GTPBP2: variants seen among roughly 807,000 people sequenced by gnomAD.
The protein encoded by GTPBP2 is GTP-binding protein 2.
Under a neutral mutation model 63.0 loss-of-function variants are expected in GTPBP2, and 32 were observed. The observed-to-expected ratio is 0.51, with a 90% CI of 0.38 to 0.68. The LOEUF (loss-of-function observed/expected upper bound fraction) is 0.68, where lower values mean the gene tolerates loss of function less well. Among genes scored for constraint, GTPBP2 ranks in the 30% least tolerant of loss-of-function variants. The pLI is 0.00. For missense variants in GTPBP2, 492 were observed against 796.9 expected, an observed-to-expected ratio of 0.62 and a Z score of 4.61; for synonymous variants, 310 against 322.6, an observed-to-expected ratio of 0.96 and a Z score of 0.42.
chr6:43,621,396 A>G lies in GTPBP2; in HGVS notation c.*218T>C. 2.0e-6 allele frequency: 3 copies of G among 1,525,524 alleles called. No individual in the cohort carries two copies. The highest frequency in any genetic ancestry group is 1.2e-5 in the South Asian group (1 of 82,974). The allele number at this position is 1,525,524 out of a possible 1,614,324, so 94.5% of individuals were successfully genotyped here. A position where few individuals can be genotyped will look rare whatever the true frequency, so the allele number is the denominator to read the frequency against. ...CAACCAGGTGAGCACACAGCTTCGG[A>G]GCACTGCCCTGAATCCTGTCTTCTC... On this transcript the variant is annotated 3_prime_UTR_variant, in exon 12 of 12. Transcript: ENST00000307126.
In GTPBP2 at chr6:43,624,650, T is replaced by C. The variant is rs1480915707; in HGVS notation, c.960A>G (p.Leu320=). 3 of 1,614,116 alleles carry C rather than the reference T, an allele frequency of 1.9e-6. No homozygotes were observed. The highest frequency in any genetic ancestry group is 1.1e-5 in the South Asian group (1 of 91,080). ...TCCTCTCCACTGTGGTCTTGGCACA[T>C]AGGTCGATCTTGCTGACCACGATGA... ...PFFIVVSKID[L]CAKTTVERTV... Residue 320 remains leucine, a synonymous_variant, in exon 7 of 12, where the codon CTA becomes CTG. Transcript: ENST00000307126. This position sits in a 1 kb window ranked among gnomAD's most constrained non-coding sequence, Gnocchi z 5.1.
chr6:43,623,518 G>A (rs1176653652), intron 9 of GTPBP2: 1 of 582,848 alleles, frequency 1.7e-6, no homozygotes, highest in Admixed American at 3.0e-5. Flanking sequence ...CTCTCTCAGG[G>A]GCCTGGAGAT....
At position 43,625,650 on chromosome 6, in the gene GTPBP2, A is replaced by C; in HGVS notation, c.508-90T>G. On this transcript the variant is annotated intron_variant, in intron 4 of 11. Transcript: ENST00000307126. The surrounding 1 kb of genome is among the most constrained non-coding windows in gnomAD (Gnocchi z 5.1). ...AGGGCAGTGACGCTCCCTAGGGAGC[A>C]AGTGATGAACTGGAAGCCCCCAGGA... 1 of 1,399,668 alleles carries C rather than the reference A, an allele frequency of 7.1e-7. No homozygotes were observed. The highest frequency in any genetic ancestry group is 1.0e-6 in the Non-Finnish European group (1 of 985,406). 86.7% of individuals were successfully genotyped at this position (1,399,668 alleles called of 1,614,324 possible).
Position 43,625,209 on chromosome 6 carries a change from T to A in GTPBP2, c.706-147A>T. ...TAATTTAGTTGATTCCCCATTGATT[T>A]CCTAAGAGGGGCAGAGCTTGTTCAC... On this transcript the variant is annotated intron_variant, in intron 5 of 11. Transcript: ENST00000307126. The surrounding 1 kb of genome is among the most constrained non-coding windows in gnomAD (Gnocchi z 5.1). 1 of 1,019,052 alleles carries A rather than the reference T, an allele frequency of 9.8e-7. No homozygotes were observed. The highest frequency in any genetic ancestry group is 1.5e-6 in the Non-Finnish European group (1 of 676,500). 63.1% of individuals were successfully genotyped at this position (1,019,052 alleles called of 1,614,324 possible). A position where few individuals can be genotyped will look rare whatever the true frequency, so the allele number is the denominator to read the frequency against.
chr6:43,629,759 G>A (rs1302528276), upstream of GTPBP2: 5 of 1,558,444 alleles, frequency 3.2e-6, no homozygotes, highest in South Asian at 3.5e-5. Context: ...TATGGCCCGC[G>A]TGCCGCTGGG....
At position 43,622,837 on chromosome 6, in the gene GTPBP2, G is replaced by A. The variant is rs185215360; in HGVS notation, c.1296-33C>T. 7.4e-4 allele frequency: 1,150 copies of A among 1,558,696 alleles called. 1 individual carries two copies. Among genetic ancestry groups the A allele is most frequent in the Middle Eastern group, 1.5e-3 (9 of 5,856 alleles). On this transcript the variant is annotated intron_variant, in intron 9 of 11. Coordinates refer to ENST00000307126, the MANE Select transcript of GTPBP2 (RefSeq NM_019096.5). This position sits in a 1 kb window ranked among gnomAD's most constrained non-coding sequence, Gnocchi z 5.4. Reference sequence around the variant, plus strand: ...CCAGAGGGCAGGTGGCACAGTGTCAGCCAAGGTCCCCATACCTACTTCTCT... The same window carrying A: ...CCAGAGGGCAGGTGGCACAGTGTCAACCAAGGTCCCCATACCTACTTCTCT...
chr6:43,625,169 A>G lies in GTPBP2; in HGVS notation c.706-107T>C. On this transcript the variant is annotated intron_variant, in intron 5 of 11. Coordinates refer to ENST00000307126, the MANE Select transcript of GTPBP2 (RefSeq NM_019096.5). This position sits in a 1 kb window ranked among gnomAD's most constrained non-coding sequence, Gnocchi z 5.1. ...TGGGTGACCCTGCCTCTTAATCTTG[A>G]CCCCATTTTTTATTTAATTTAGTTG... 1 of 1,156,978 alleles carries G rather than the reference A, an allele frequency of 8.6e-7. No individual in the cohort carries two copies. The highest frequency in any genetic ancestry group is 1.4e-5 in the South Asian group (1 of 69,558). The allele number at this position is 1,156,978 out of a possible 1,614,324, so 71.7% of individuals were successfully genotyped here.
In GTPBP2 at chr6:43,624,363, T is replaced by C; in HGVS notation, c.1100+147A>G. ...AGGAGGGTCAAGCCCTTTAGCAAGA[T>C]GCCCCTCCACAATCCCAAGCTGAAA... On this transcript the variant is annotated intron_variant, in intron 7 of 11. Transcript: ENST00000307126. The surrounding 1 kb of genome is among the most constrained non-coding windows in gnomAD (Gnocchi z 5.1). The C allele has an allele frequency of 6.0e-6, 4 of 669,690 alleles. No individual in the cohort carries two copies. Among genetic ancestry groups the C allele is most frequent in the Non-Finnish European group, 1.0e-5 (4 of 383,540 alleles). 41.5% of individuals were successfully genotyped at this position (669,690 alleles called of 1,614,324 possible).
intron 1 of GTPBP2, among the ~76,000 whole-genome samples, chr6:43,627,657 C>T (rs936108373): frequency 3.3e-5 from 5 of 152,180 alleles, no homozygotes; most frequent in African/African-American, 1.2e-4. Context: ...TAGCACAGCA[C>T]AGAAGCACCC....
rs1011759900 is a variant in GTPBP2, at chr6:43,621,279, C to G, written c.*335G>C. ...AAGTGCAGAGACCACACCAGCAAAA[C>G]ATGCCCAGTCTTAGTAGTGGGGACG... On this transcript the variant is annotated 3_prime_UTR_variant, in exon 12 of 12. Transcript: ENST00000307126. 3.5e-6 allele frequency: 2 copies of G among 565,592 alleles called. No homozygotes were observed. Among genetic ancestry groups the G allele is most frequent in the Non-Finnish European group, 6.2e-6 (2 of 324,672 alleles). The allele number at this position is 565,592 out of a possible 1,614,324, so 35.0% of individuals were successfully genotyped here.
intron 9 of GTPBP2, chr6:43,623,394 AAAAGAAAG>A (rs542320424): frequency 7.5e-6 from 2 of 267,738 alleles, no homozygotes; most frequent in East Asian, 1.8e-4. Flanking sequence ...TGTCTCAAAA[AAAAGAAAG>A]AAAGAAAGAA....
At position 43,626,830 on chromosome 6, in the gene GTPBP2, AAAAAAAAAAAGAAAG is replaced by A; in HGVS notation, c.213+77_213+91del. The stretch of plus-strand genomic sequence containing the variant: ...GCAACAAGAGCAAAACTTCATCTCA[AAAAAAAAAAAGAAAG>A]AAAGAAAAAAGAAATTATCCCACAC... On this transcript the variant is annotated intron_variant, in intron 2 of 11. Coordinates refer to ENST00000307126, the MANE Select transcript of GTPBP2 (RefSeq NM_019096.5). The surrounding 1 kb of genome is among the most constrained non-coding windows in gnomAD (Gnocchi z 4.0). 2 of 964,640 alleles carry A rather than the reference AAAAAAAAAAAGAAAG, an allele frequency of 2.1e-6. No individual in the cohort carries two copies. The highest frequency in any genetic ancestry group is 3.1e-6 in the Non-Finnish European group (2 of 652,424). 59.8% of individuals were successfully genotyped at this position (964,640 alleles called of 1,614,324 possible).
chr6:43,621,911 C>T (rs1768765246), intron 11 of GTPBP2, 92 bp downstream of exon 11: 1 of 1,599,576 alleles, frequency 6.3e-7, no homozygotes, highest in African/African-American at 1.3e-5. Flanking sequence ...GGGTTTTATT[C>T]CCATTGTGGG....
At chr6:43,627,055 C>T in intron 1 of GTPBP2, 107 bp from the exon 2 acceptor site, 1 of 1,029,918 alleles carries the variant, frequency 9.7e-7, no homozygotes, top group Non-Finnish European at 1.4e-6. Flanking sequence ...CAGGAAGCCC[C>T]ACTGGCACTT....
intron 9 of GTPBP2, chr6:43,623,423 T>G (rs1768984420): frequency 2.6e-6 from 1 of 383,918 alleles, no homozygotes; most frequent in South Asian, 3.9e-5. Flanking sequence ...AGAAGAGTCT[T>G]AAGTGACGTC....
chr6:43,625,952 C>T lies in GTPBP2; in HGVS notation c.399-88G>A. On this transcript the variant is annotated intron_variant, in intron 3 of 11. Transcript: ENST00000307126. The surrounding 1 kb of genome is among the most constrained non-coding windows in gnomAD (Gnocchi z 5.1). The stretch of plus-strand genomic sequence containing the variant: ...TGGACCTACAGACTTCCTGCACCTC[C>T]CACAGAGCTCCCAATACCTTAGTGC... The T allele has an allele frequency of 1.0e-6, 1 of 990,090 alleles. No individual in the cohort carries two copies. Among genetic ancestry groups the T allele is most frequent in the Non-Finnish European group, 1.6e-6 (1 of 619,254 alleles). The allele number at this position is 990,090 out of a possible 1,614,324, so 61.3% of individuals were successfully genotyped here.
At chr6:43,623,377 G>A (rs186256838) in intron 9 of GTPBP2, 8 of 245,924 alleles carry the variant, frequency 3.3e-5, no homozygotes, top group Non-Finnish European at 6.3e-5. Flanking sequence ...GCAACAGAGC[G>A]AGACTCTGTC....
chr6:43,621,888 C>T, intron 11 of GTPBP2, 98 bp from the exon 12 acceptor site: 1 of 1,601,062 alleles, frequency 6.2e-7, no homozygotes, highest in Non-Finnish European at 8.6e-7. Context: ...CAGGCCGCTA[C>T]CCACCCTAAG....
In GTPBP2 at chr6:43,625,197, T is replaced by C; in HGVS notation, c.706-135A>G. On this transcript the variant is annotated intron_variant, in intron 5 of 11. Transcript: ENST00000307126. The surrounding 1 kb of genome is among the most constrained non-coding windows in gnomAD (Gnocchi z 5.1). Reference sequence around the variant, plus strand: ...CCATTTTTTATTTAATTTAGTTGATTCCCCATTGATTTCCTAAGAGGGGCA... The same window carrying C: ...CCATTTTTTATTTAATTTAGTTGATCCCCCATTGATTTCCTAAGAGGGGCA... 9.8e-7 allele frequency: 1 copy of C among 1,022,146 alleles called. No individual in the cohort carries two copies. Among genetic ancestry groups the C allele is most frequent in the South Asian group, 1.5e-5 (1 of 66,404 alleles). The allele number at this position is 1,022,146 out of a possible 1,614,324, so 63.3% of individuals were successfully genotyped here. A position where few individuals can be genotyped will look rare whatever the true frequency, so the allele number is the denominator to read the frequency against.
Sources: allele counts gnomAD v4.1 joint callset (sites outside exome capture counted in the v4.1 genomes callset), GRCh38; gene constraint gnomAD v4.1.1; non-coding constraint Gnocchi (gnomAD v3.1); transcripts MANE v1.5; gene names NCBI Gene and HGNC (gene_info 2026-07-23, HGNC 2026-07-21).